The following FABP6 variants were observed in gnomAD, a reference collection of about 807,000 sequenced individuals.
FABP6 encodes the protein fatty acid binding protein 6.
Under a neutral mutation model 14.9 loss-of-function variants are expected in FABP6, and 13 were observed. The ratio of observed to expected loss-of-function variants is 0.87; its 90% CI spans 0.57 to 1.39. FABP6 has a LOEUF of 1.39. Among genes scored for constraint, FABP6 ranks in the 40% most tolerant of loss-of-function variants. FABP6 has a pLI of 0.00. For missense variants in FABP6, 161 were observed against 167.2 expected (o/e 0.96, Z 0.20); for synonymous variants, 75 against 63.6 (o/e 1.18, Z -0.85).
At chr5:160,230,034 C>T (rs191224179) in intron 1 of FABP6, among the ~76,000 whole-genome samples, 2,029 of 72,884 alleles carry the variant, frequency 0.028, 45 homozygotes, top group African/African-American at 0.092. Flanking sequence ...CCACCACGCC[C>T]GGCTAATTTT....
intron 2 of FABP6, among the ~76,000 whole-genome samples, chr5:160,201,300 G>A (rs1395590714): frequency 6.6e-6 from 1 of 151,894 alleles, no homozygotes; most frequent in African/African-American, 2.4e-5. Flanking sequence ...CGAGGCTGCA[G>A]TGAGTCAAGA....
intron 2 of FABP6, among the ~76,000 whole-genome samples, chr5:160,233,406 A>G (rs570457759): frequency 3.0e-4 from 45 of 152,066 alleles, no homozygotes; most frequent in Non-Finnish European, 5.7e-4. Flanking sequence ...TGGGCAAGTC[A>G]TTTCACTCCC....
At chr5:160,207,013 A>G (rs1379904217) in intron 2 of FABP6, among the ~76,000 whole-genome samples, 3 of 152,274 alleles carry the variant, frequency 2.0e-5, no homozygotes, top group African/African-American at 4.8e-5. Flanking sequence ...TTTTCCTCAT[A>G]GGCAAATAAT....
At chr5:160,223,942 A>G (rs1191817817) in intron 3 of FABP6, among the ~76,000 whole-genome samples, 1 of 151,686 alleles carries the variant, frequency 6.6e-6, no homozygotes, top group Non-Finnish European at 1.5e-5. Context: ...TCTACAAAAA[A>G]AAAAAAAAAA....
intron 3 of FABP6, among the ~76,000 whole-genome samples, chr5:160,221,318 C>G (rs1453200655): frequency 2.6e-5 from 4 of 152,012 alleles, no homozygotes. Context: ...GGGACAATCT[C>G]TACAGGTTGG....
chr5:160,225,819 A>T (rs1760232665), upstream of FABP6, among the ~76,000 whole-genome samples: 1 of 152,186 alleles, frequency 6.6e-6, no homozygotes, highest in South Asian at 2.1e-4. Flanking sequence ...GTTACAGTTG[A>T]TAAGAAAGAA....
At chr5:160,210,948 A>T (rs1164611541) in intron 2 of FABP6, among the ~76,000 whole-genome samples, 1 of 152,198 alleles carries the variant, frequency 6.6e-6, no homozygotes, top group African/African-American at 2.4e-5. Context: ...GAATGATTGC[A>T]TGGGAGCGGG....
chr5:160,229,451 G>C, upstream of FABP6: 1 of 1,577,964 alleles, frequency 6.3e-7, no homozygotes, highest in South Asian at 1.2e-5. Flanking sequence ...GTGACTTAGG[G>C]GCTGAGCCTC....
At chr5:160,211,983 C>CT (rs70990712) in intron 2 of FABP6, among the ~76,000 whole-genome samples, 1,041 of 102,954 alleles carry the variant, frequency 0.01, 19 homozygotes, top group South Asian at 0.025. Flanking sequence ...TATGCAAGTT[C>CT]TTTTTTTTTT....
intron 3 of FABP6, among the ~76,000 whole-genome samples, chr5:160,216,793 T>C (rs1760021551): frequency 1.3e-5 from 2 of 152,220 alleles, no homozygotes; most frequent in African/African-American, 2.4e-5. Context: ...GTTTGTTGCA[T>C]GGATTAACAG....
chr5:160,227,978 C>A (rs1225497750), upstream of FABP6, among the ~76,000 whole-genome samples: 2 of 151,858 alleles, frequency 1.3e-5, no homozygotes, highest in African/African-American at 4.9e-5. Flanking sequence ...TCAGAGACCG[C>A]TTAGTCCCAG....
intron 3 of FABP6, among the ~76,000 whole-genome samples, chr5:160,215,881 G>C (rs529501169): frequency 3.5e-4 from 54 of 152,298 alleles, no homozygotes; most frequent in Non-Finnish European, 6.3e-4. Flanking sequence ...CCTGCTGAGG[G>C]AGGGTCATGA....
intron 3 of FABP6, among the ~76,000 whole-genome samples, chr5:160,214,580 GCTGGCATGAGCCACCATGC>G (rs1561748756): frequency 6.6e-6 from 1 of 151,058 alleles, no homozygotes; most frequent in African/African-American, 2.4e-5. Flanking sequence ...ACCCAATGTG[GCTGGCATGAGCCACCATGC>G]CTGGCCTCAA....
intron 3 of FABP6, among the ~76,000 whole-genome samples, chr5:160,217,194 T>C (rs1580913084): frequency 6.6e-6 from 1 of 152,188 alleles, no homozygotes; most frequent in East Asian, 1.9e-4. Flanking sequence ...CAGCAAGTTT[T>C]GTTGAGGGCA....
At chr5:160,199,649 G>A (rs1471308582) in intron 2 of FABP6, among the ~76,000 whole-genome samples, 1 of 152,090 alleles carries the variant, frequency 6.6e-6, no homozygotes, top group Non-Finnish European at 1.5e-5. Flanking sequence ...TCCCTACCTG[G>A]CATCTCCCCC....
At chr5:160,204,138 CAAAA>C (rs67908380) in intron 2 of FABP6, among the ~76,000 whole-genome samples, 28,555 of 119,100 alleles carry the variant, frequency 0.24, 2,850 homozygotes, top group Middle Eastern at 0.29. Flanking sequence ...GACTCCATCT[CAAAA>C]AAAAAAAAAA....
At position 160,209,121 on chromosome 5, in the gene FABP6, G is replaced by A. The variant is rs764353968; in HGVS notation, c.52-4615G>A. On this transcript the variant is annotated intron_variant, in intron 2 of 6. Coordinates refer to the FABP6 transcript ENST00000393980. ...AAAAAAGAATTAGTCAAGTGTGGTGGCTCACACCTGTTGTCCCAGCTACTC... is the reference window on the plus strand; with the variant it reads ...AAAAAAGAATTAGTCAAGTGTGGTGACTCACACCTGTTGTCCCAGCTACTC... 5.5e-4 allele frequency among the ~76,000 whole-genome samples: 84 copies of A among 152,102 alleles called. 1 individual carries two copies. The highest frequency in any genetic ancestry group is 6.6e-4 in the Non-Finnish European group (45 of 68,014).
upstream of FABP6, among the ~76,000 whole-genome samples, chr5:160,226,061 C>A (rs1760237962): frequency 6.6e-6 from 1 of 151,806 alleles, no homozygotes; most frequent in Admixed American, 6.6e-5. Context: ...ATAATCCCAG[C>A]TACTTGGGAG....
At chr5:160,223,332 C>CCCTTCCTTCCCTCCTTCCTTCCTT (rs1760168392) in intron 3 of FABP6, among the ~76,000 whole-genome samples, 1 of 93,370 alleles carries the variant, frequency 1.1e-5, no homozygotes, top group Non-Finnish European at 2.0e-5. Flanking sequence ...TTTTTGCCCG[C>CCCTTCCTTCCCTCCTTCCTTCCTT]CCTTCCTTCC....
Sources: allele counts gnomAD v4.1 joint callset (sites outside exome capture counted in the v4.1 genomes callset), GRCh38; gene constraint gnomAD v4.1.1; transcripts MANE v1.5; gene names NCBI Gene and HGNC (gene_info 2026-07-23, HGNC 2026-07-21).